Variants in TRAPPC9 observed in about 807,000 individuals in gnomAD.
TRAPPC9 encodes the protein IKK2 binding protein.
Under a neutral mutation model 124.0 loss-of-function variants are expected in TRAPPC9, and 83 were observed. The ratio of observed to expected loss-of-function variants is 0.67; its 90% CI spans 0.56 to 0.80. TRAPPC9 has a LOEUF of 0.80. TRAPPC9 is among the 30% of genes least tolerant of loss of function. TRAPPC9 has a pLI of 0.00. For missense variants in TRAPPC9, 1,302 were observed against 1,508.3 expected (o/e 0.86, Z 2.27); for synonymous variants, 638 against 617.5 (o/e 1.03, Z -0.49).
intron 21 of TRAPPC9, among the ~76,000 whole-genome samples, chr8:139,806,929 G>A (rs1824107948): frequency 6.6e-6 from 1 of 152,218 alleles, no homozygotes; most frequent in African/African-American, 2.4e-5. Context: ...GCTTGACTTT[G>A]GAAAAGAGCC....
intron 21 of TRAPPC9, among the ~76,000 whole-genome samples, chr8:139,809,076 G>A (rs1293781147): frequency 6.6e-6 from 1 of 152,182 alleles, no homozygotes; most frequent in Non-Finnish European, 1.5e-5. Flanking sequence ...TCTACTGATT[G>A]TAATATTTCA....
chr8:140,291,883 G>C (rs1266177732), intron 11 of TRAPPC9, among the ~76,000 whole-genome samples: 2 of 152,172 alleles, frequency 1.3e-5, no homozygotes, highest in African/African-American at 2.4e-5. Flanking sequence ...AAGAGAACGG[G>C]GATCACAGGA....
chr8:140,295,068 C>T (rs2065769177), intron 11 of TRAPPC9, among the ~76,000 whole-genome samples: 1 of 152,194 alleles, frequency 6.6e-6, no homozygotes, highest in Admixed American at 6.5e-5. Context: ...AGGCCCTGCC[C>T]TCCCTGTTGC....
chr8:140,258,946 G>A (rs2064333882), intron 15 of TRAPPC9, among the ~76,000 whole-genome samples: 1 of 152,198 alleles, frequency 6.6e-6, no homozygotes, highest in South Asian at 2.1e-4. Context: ...CCTCCCAAGT[G>A]TCCTGTCAGA....
chr8:140,332,879 T>C (rs1216557109), intron 9 of TRAPPC9, among the ~76,000 whole-genome samples: 1 of 152,212 alleles, frequency 6.6e-6, no homozygotes, highest in Non-Finnish European at 1.5e-5. Context: ...CTCAAACCTG[T>C]AATCCCAGAA....
chr8:139,985,416 C>G (rs1420421438), intron 19 of TRAPPC9, among the ~76,000 whole-genome samples: 1 of 152,152 alleles, frequency 6.6e-6, no homozygotes, highest in Non-Finnish European at 1.5e-5. Flanking sequence ...AGCACTGGAC[C>G]CAGCACTGCC....
intron 17 of TRAPPC9, among the ~76,000 whole-genome samples, chr8:140,208,150 C>T (rs1263720716): frequency 7.6e-6 from 1 of 131,790 alleles, no homozygotes. Context: ...AACTCTGTCT[C>T]AAAAAAAAAA....
At chr8:140,016,664 C>A (rs1409033745) in intron 18 of TRAPPC9, among the ~76,000 whole-genome samples, 1 of 152,154 alleles carries the variant, frequency 6.6e-6, no homozygotes, top group African/African-American at 2.4e-5. Context: ...TGTGGCAGCA[C>A]CCCACATTGT....
upstream of TRAPPC9, chr8:140,457,839 G>A (rs1404916396): frequency 2.8e-6 from 3 of 1,083,124 alleles, no homozygotes; most frequent in African/African-American, 3.3e-5. Flanking sequence ...AGGGAAGCAA[G>A]GGGGTAGGAG....
At chr8:139,939,030 C>T (rs949855446) in intron 19 of TRAPPC9, among the ~76,000 whole-genome samples, 6 of 152,228 alleles carry the variant, frequency 3.9e-5, no homozygotes, top group African/African-American at 1.4e-4. Context: ...CCATTCCTCC[C>T]TGCCACTTGA....
At chr8:140,209,482 G>A (rs2063005481) in intron 17 of TRAPPC9, among the ~76,000 whole-genome samples, 1 of 152,212 alleles carries the variant, frequency 6.6e-6, no homozygotes, top group South Asian at 2.1e-4. Flanking sequence ...ACATGCAGCA[G>A]ACTCTCTCTG....
intron 21 of TRAPPC9, among the ~76,000 whole-genome samples, chr8:139,813,990 C>T (rs1824637172): frequency 6.6e-6 from 1 of 152,282 alleles, no homozygotes; most frequent in African/African-American, 2.4e-5. Flanking sequence ...CCAGAAAGTT[C>T]CTGGAAAAGG....
At chr8:139,966,138 G>A (rs1366333068) in intron 19 of TRAPPC9, among the ~76,000 whole-genome samples, 1 of 152,240 alleles carries the variant, frequency 6.6e-6, no homozygotes, top group East Asian at 1.9e-4. Context: ...GAGAGGTGGG[G>A]GCAGAACAGA....
In TRAPPC9 at chr8:139,742,260, C is replaced by A. The variant is rs1563777321; in HGVS notation, c.3056-10058G>T. On this transcript the variant is annotated intron_variant, in intron 21 of 22. Coordinates refer to ENST00000438773, the MANE Select transcript of TRAPPC9 (RefSeq NM_001160372.4). This position sits in a 1 kb window ranked among gnomAD's most constrained non-coding sequence, Gnocchi z 4.7. ...TTCTCACGTGCGTTCTCCCGATCTA[C>A]CCCCAACCGGCCATGCTGCCGGCGC... is the stretch of plus-strand genomic sequence containing the variant. 6.6e-6 allele frequency among the ~76,000 whole-genome samples: 1 copy of A among 152,206 alleles called. No individual in the cohort carries two copies. Among genetic ancestry groups the A allele is most frequent in the Non-Finnish European group, 1.5e-5 (1 of 68,048 alleles).
intron 16 of TRAPPC9, among the ~76,000 whole-genome samples, chr8:140,231,660 A>AT (rs71520265): frequency 0.22 from 27,831 of 127,824 alleles, 3,590 homozygotes; most frequent in East Asian, 0.44. Flanking sequence ...CACACAGCTA[A>AT]TTTTTTTTTT....
At chr8:139,889,423 G>A (rs774538720) in intron 20 of TRAPPC9, among the ~76,000 whole-genome samples, 1 of 152,146 alleles carries the variant, frequency 6.6e-6, no homozygotes, top group African/African-American at 2.4e-5. Context: ...GGCCTGAATC[G>A]CCTGAACTAG....
At chr8:139,796,028 GAGGAGGAGGAAGAGGAGA>G (rs1328442290) in intron 21 of TRAPPC9, among the ~76,000 whole-genome samples, 209 of 149,896 alleles carry the variant, frequency 1.4e-3, no homozygotes, top group Non-Finnish European at 1.6e-3. Flanking sequence ...GGAGGAGGAA[GAGGAGGAGGAAGAGGAGA>G]AGGAGGAGGA....
chr8:139,830,635 CAG>C (rs546614478), intron 21 of TRAPPC9, among the ~76,000 whole-genome samples: 12 of 151,902 alleles, frequency 7.9e-5, no homozygotes, highest in Non-Finnish European at 1.3e-4. Context: ...CATGCATACA[CAG>C]ATACAATACA....
intron 16 of TRAPPC9, among the ~76,000 whole-genome samples, chr8:140,235,680 A>G (rs1441697311): frequency 6.6e-6 from 1 of 152,248 alleles, no homozygotes; most frequent in Non-Finnish European, 1.5e-5. Flanking sequence ...GAGTTCATAC[A>G]TAGTGCTGGG....
Sources: allele counts gnomAD v4.1 joint callset (sites outside exome capture counted in the v4.1 genomes callset), GRCh38; gene constraint gnomAD v4.1.1; non-coding constraint Gnocchi (gnomAD v3.1); transcripts MANE v1.5; gene names NCBI Gene and HGNC (gene_info 2026-07-23, HGNC 2026-07-21).